Variants in USH2A observed in about 807,000 individuals in gnomAD.
USH2A encodes Usher syndrome 2A (autosomal recessive, mild).
A neutral mutation model predicts 538.9 loss-of-function variants in USH2A; 443 were observed. The ratio of observed to expected loss-of-function variants is 0.82; its 90% confidence interval spans 0.76 to 0.89. The LOEUF (loss-of-function observed/expected upper bound fraction) is 0.89, where lower values mean the gene tolerates loss of function less well. USH2A is among the 40% of genes least tolerant of loss of function. The probability of loss-of-function intolerance (pLI) is 0.00; values close to 1 mark genes in which losing one functional copy is unlikely to be tolerated. For synonymous variants in USH2A, 2,413 were observed against 2,273.5 expected, an observed-to-expected ratio of 1.06 and a Z score of -1.75; for missense variants, 6,633 against 6,324.8, an observed-to-expected ratio of 1.05 and a Z score of -1.65.
At chr1:215,953,839 T>A (rs1233817023) in intron 37 of USH2A, among the ~76,000 whole-genome samples, 1 of 151,812 alleles carries the variant, frequency 6.6e-6, no homozygotes, top group African/African-American at 2.4e-5. Context: ...ATATCCAGAA[T>A]CTACAATGAA....
intron 32 of USH2A, among the ~76,000 whole-genome samples, chr1:216,031,062 A>G (rs1244797138): frequency 6.6e-6 from 1 of 151,980 alleles, no homozygotes; most frequent in Non-Finnish European, 1.5e-5. Context: ...GCATTTCTCT[A>G]TATCATTTAC....
At chr1:215,981,937 C>T (rs181393349) in intron 35 of USH2A, among the ~76,000 whole-genome samples, 1 of 152,258 alleles carries the variant, frequency 6.6e-6, no homozygotes, top group East Asian at 1.9e-4. Context: ...AAGCAAGTTG[C>T]AGAACAGGAT....
chr1:215,756,871 C>T (rs747902084), intron 58 of USH2A, among the ~76,000 whole-genome samples: 1 of 151,862 alleles, frequency 6.6e-6, no homozygotes, highest in Non-Finnish European at 1.5e-5. Context: ...TGAGATTGCA[C>T]CACTGCACTC....
At chr1:216,130,561 TATATATAATATATA>T (rs1054977282) in intron 21 of USH2A, among the ~76,000 whole-genome samples, 1 of 145,546 alleles carries the variant, frequency 6.9e-6, no homozygotes, top group African/African-American at 2.5e-5. Context: ...TTATATATAT[TATATATAATATATA>T]ATATATAATA....
chr1:215,650,848 G>T (rs1390169545), intron 64 of USH2A, 47 bp from the exon 65 acceptor site: 13 of 1,539,316 alleles, frequency 8.4e-6, no homozygotes, highest in Non-Finnish European at 1.1e-5. Flanking sequence ...ATACCCTAAG[G>T]CTGGGAAAAA....
intron 67 of USH2A, 122 bp downstream of exon 67, chr1:215,647,400 C>T: frequency 1.7e-6 from 2 of 1,184,744 alleles, no homozygotes; most frequent in Non-Finnish European, 2.5e-6. Flanking sequence ...GCTTCAGTAA[C>T]ATTCAGTGTT....
chr1:216,199,522 C>T (rs2034932415), intron 17 of USH2A, 105 bp downstream of exon 17: 1 of 1,493,668 alleles, frequency 6.7e-7, no homozygotes, highest in Non-Finnish European at 9.3e-7. Context: ...TTATATTGTG[C>T]AGTTATAAAA....
chr1:215,788,046 T>C (rs1221146055), intron 51 of USH2A, among the ~76,000 whole-genome samples: 1 of 152,162 alleles, frequency 6.6e-6, no homozygotes, highest in Admixed American at 6.6e-5. Flanking sequence ...TGTGTGTGTA[T>C]GTGTGTGTAT....
chr1:216,383,162 C>G (rs2038948601), intron 3 of USH2A, among the ~76,000 whole-genome samples: 1 of 152,042 alleles, frequency 6.6e-6, no homozygotes, highest in Non-Finnish European at 1.5e-5. Context: ...TCAGATTTCT[C>G]TTCAGAAACA....
chr1:215,908,679 C>T (rs923679630), intron 38 of USH2A, among the ~76,000 whole-genome samples: 8 of 151,684 alleles, frequency 5.3e-5, no homozygotes, highest in Non-Finnish European at 8.8e-5. Flanking sequence ...ATTTGCTTTA[C>T]TATATATGCC....
chr1:216,334,948 T>A (rs1041346918), intron 4 of USH2A, among the ~76,000 whole-genome samples: 1 of 151,686 alleles, frequency 6.6e-6, no homozygotes, highest in Non-Finnish European at 1.5e-5. Flanking sequence ...ATAAACCAAT[T>A]AGACTTAATA....
chr1:215,754,257 CA>C (rs1660718729), intron 58 of USH2A, among the ~76,000 whole-genome samples: 1 of 152,232 alleles, frequency 6.6e-6, no homozygotes, highest in East Asian at 1.9e-4. Flanking sequence ...AACGTATGTA[CA>C]CGACATTTGT....
chr1:216,295,125 T>A (rs1427236567), intron 9 of USH2A, among the ~76,000 whole-genome samples: 2 of 151,872 alleles, frequency 1.3e-5, no homozygotes, highest in East Asian at 1.9e-4. Context: ...TTTTATAGTA[T>A]TGACTATTGA....
rs527680313 is a variant in USH2A, at chr1:215,843,366, T to C, written c.9258+928A>G. ...TACTCTGATTTTTTTTTATCACTCA[T>C]TTGCACATTTAGCCTTGTTATCTTT... On this transcript the variant is annotated intron_variant, in intron 46 of 71. Coordinates refer to ENST00000307340, the MANE Select transcript of USH2A (RefSeq NM_206933.4). Among the ~76,000 whole-genome samples the C allele has an allele frequency of 9.2e-5, 14 of 152,298 alleles. No homozygotes were observed. In the East Asian group the frequency reaches 1.7e-3, roughly 19 times the overall value.
chr1:216,272,323 G>A (rs1305035108), intron 11 of USH2A, among the ~76,000 whole-genome samples: 1 of 152,050 alleles, frequency 6.6e-6, no homozygotes, highest in Non-Finnish European at 1.5e-5. Context: ...CGACATTGAT[G>A]TCTCTTTTTT....
chr1:216,174,633 C>A, intron 21 of USH2A: 1 of 984,670 alleles, frequency 1.0e-6, no homozygotes, highest in Non-Finnish European at 1.2e-6. Context: ...GTGACCGAAA[C>A]AAGAGCCTCA....
chr1:215,996,572 T>G (rs931149118), intron 34 of USH2A, among the ~76,000 whole-genome samples: 140 of 95,318 alleles, frequency 1.5e-3, no homozygotes, highest in African/African-American at 4.4e-3. Flanking sequence ...TTTTTTTTTT[T>G]TTTTTTTTTT....
chr1:216,366,582 T>TCC (rs201764770), intron 3 of USH2A, among the ~76,000 whole-genome samples: 4 of 150,164 alleles, frequency 2.7e-5, no homozygotes, highest in South Asian at 2.1e-4. Flanking sequence ...TTTTTCAATG[T>TCC]CCCCCCCCAA....
chr1:215,857,626 C>G (rs555525482), intron 44 of USH2A, among the ~76,000 whole-genome samples: 1 of 152,152 alleles, frequency 6.6e-6, no homozygotes, highest in African/African-American at 2.4e-5. Context: ...GTGCATCCCA[C>G]GTACAAAAAT....
Sources: allele counts gnomAD v4.1 joint callset (sites outside exome capture counted in the v4.1 genomes callset), GRCh38; gene constraint gnomAD v4.1.1; transcripts MANE v1.5; gene names NCBI Gene and HGNC (gene_info 2026-07-23, HGNC 2026-07-21).